TPH1: variants seen among roughly 807,000 people sequenced by gnomAD.
TPH1 encodes the protein tryptophan hydroxylase 1, also known as tryptophan 5-hydroxylase 1.
Under a neutral mutation model 49.5 loss-of-function variants are expected in TPH1, and 37 were observed. That is an observed-to-expected ratio of 0.75 (90% CI 0.58 to 0.98). The LOEUF (loss-of-function observed/expected upper bound fraction) is 0.98. Ranked by LOEUF, TPH1 falls within the 50% of genes least tolerant of loss-of-function variation. The probability of loss-of-function intolerance (pLI) is 0.00; values close to 1 mark genes in which losing one functional copy is unlikely to be tolerated. For synonymous variants in TPH1, 160 were observed against 182.1 expected (o/e 0.88, Z 0.98); for missense variants, 487 against 523.6 (o/e 0.93, Z 0.68).
intron 7 of TPH1, 105 bp from the exon 8 acceptor site, chr11:18,025,806 A>G: frequency 2.0e-6 from 3 of 1,501,628 alleles, no homozygotes; most frequent in South Asian, 2.3e-5. Flanking sequence ...TGATCGGGTG[A>G]TAATACTTTA....
chr11:18,041,154 C>T, intron 1 of TPH1: 1 of 185,212 alleles, frequency 5.4e-6, no homozygotes. Flanking sequence ...CTTCATTATA[C>T]CAGGTCTCAA....
At chr11:18,032,538 T>TG (rs1848001277) in intron 4 of TPH1, among the ~76,000 whole-genome samples, 1 of 64,054 alleles carries the variant, frequency 1.6e-5, no homozygotes, top group Admixed American at 1.2e-4. Context: ...TGTTGAAATC[T>TG]TTTTTTTTTT....
At chr11:18,044,284 T>C (rs1033314269) in intron 1 of TPH1, among the ~76,000 whole-genome samples, 1 of 151,972 alleles carries the variant, frequency 6.6e-6, no homozygotes, top group African/African-American at 2.4e-5. Flanking sequence ...TGGCTGGGTG[T>C]GGTGGCGGGC....
chr11:18,045,829 AAG>A (rs1359963046), intron 1 of TPH1, among the ~76,000 whole-genome samples: 7 of 152,150 alleles, frequency 4.6e-5, no homozygotes, highest in Non-Finnish European at 8.8e-5. Flanking sequence ...AGAAGAAAAA[AAG>A]AGACATTGCC....
At chr11:18,022,727 TG>T in intron 10 of TPH1, 70 bp downstream of exon 10, 1 of 1,566,928 alleles carries the variant, frequency 6.4e-7, no homozygotes, top group Non-Finnish European at 8.7e-7. Context: ...TGCTTACTTC[TG>T]TGACTTGTTA....
chr11:18,025,718 A>G lies in TPH1; in HGVS notation c.804-17T>C, dbSNP rs1565235387. On this transcript the variant is annotated splice_polypyrimidine_tract_variant and intron_variant, in intron 7 of 10. Transcript: ENST00000682019. ...CAGGTATCTCTGAAAGAGAGGTACA[A>G]GTTTGTCACGCTGCAGTGCTTAACA... The G allele has an allele frequency of 1.2e-6, 2 of 1,613,702 alleles. No homozygotes were observed. Among genetic ancestry groups the G allele is most frequent in the South Asian group, 1.1e-5 (1 of 91,084 alleles).
intron 2 of TPH1, among the ~76,000 whole-genome samples, chr11:18,037,085 G>C (rs78614811): frequency 6.6e-6 from 1 of 152,136 alleles, no homozygotes; most frequent in African/African-American, 2.4e-5. Context: ...TAGGCCAGGC[G>C]TGGTGGCTCA....
chr11:18,027,488 T>C (rs1003268570), intron 6 of TPH1, among the ~76,000 whole-genome samples: 22 of 152,256 alleles, frequency 1.4e-4, no homozygotes, highest in African/African-American at 5.3e-4. Context: ...TTTATTTTAG[T>C]TATTTAAATT....
intron 1 of TPH1, chr11:18,041,028 A>G (rs982219516): frequency 2.9e-6 from 1 of 341,960 alleles, no homozygotes; most frequent in South Asian, 2.8e-5. Flanking sequence ...TTCTAAACCA[A>G]TCGCTCTTTT....
Position 18,026,614 on chromosome 11 carries a change from A to C in TPH1, c.679T>G (p.Phe227Val). 1.2e-6 allele frequency: 2 copies of C among 1,614,066 alleles called. No homozygotes were observed. Among genetic ancestry groups the C allele is most frequent in the Non-Finnish European group, 1.7e-6 (2 of 1,179,964 alleles). ...VSNFLKERTG[F>V]SIRPVAGYLS... is the part of the protein sequence containing the mutation. ...TAACCAGCCACAGGACGGATGGAAA[A>C]ACCTGTACGCTCTGCAAAGCAAAGG... Residue 227 changes from phenylalanine to valine, a missense_variant, in exon 7 of 11, where the codon TTT (phenylalanine) becomes GTT (valine). Phe to Val is a conservative substitution (Grantham distance 50). Transcript: ENST00000682019.
Position 18,026,393 on chromosome 11 carries a change from C to CAAAA in TPH1, c.803+93_803+96dup, listed in dbSNP as rs57335932. 432 of 588,390 alleles carry CAAAA rather than the reference C, an allele frequency of 7.3e-4. 3 individuals carry two copies. The highest frequency in any genetic ancestry group is 2.8e-3 in the African/African-American group (82 of 28,880). The allele number at this position is 588,390 out of a possible 1,614,324, so 36.4% of individuals were successfully genotyped here. ...GCTAATTTATTTAATCCTCGCACAC[C>CAAAA]AAAAAAAAAAAAAAAAAAAAAAAAG... On this transcript the variant is annotated intron_variant, in intron 7 of 10. Coordinates refer to ENST00000682019, the MANE Select transcript of TPH1 (RefSeq NM_004179.3).
In TPH1 at chr11:18,029,164, C is replaced by A; in HGVS notation, c.667+1G>T. On this transcript the variant is annotated splice_donor_variant, in intron 6 of 10. Transcript: ENST00000682019. LOFTEE classifies it high-confidence loss of function. ...TTACAAAAAATTAATTAGCTTATTACCTTTTAAAAAGTTGGAGACATCTTC... is the reference window on the plus strand; with the variant it reads ...TTACAAAAAATTAATTAGCTTATTAACTTTTAAAAAGTTGGAGACATCTTC... 3 of 1,595,064 alleles carry A rather than the reference C, an allele frequency of 1.9e-6. No individual in the cohort carries two copies. The South Asian group carries it at 3.3e-5, about 18-fold the overall frequency.
At chr11:18,021,869 C>G (rs1307894887) in intron 10 of TPH1, among the ~76,000 whole-genome samples, 1 of 152,168 alleles carries the variant, frequency 6.6e-6, no homozygotes, top group Non-Finnish European at 1.5e-5. Context: ...AAATGTGAAG[C>G]TGAGGACAAC....
intron 6 of TPH1, 62 bp downstream of exon 6, chr11:18,029,103 A>AAAAAAT: frequency 9.3e-7 from 1 of 1,070,358 alleles, no homozygotes; most frequent in Non-Finnish European, 1.4e-6. Context: ...AAAAAAAAAA[A>AAAAAAT]TGCTGTCATG....
chr11:18,026,410 AAAAAAAAG>A, intron 7 of TPH1, 72 bp downstream of exon 7: 1 of 1,242,144 alleles, frequency 8.1e-7, no homozygotes, highest in Non-Finnish European at 1.1e-6. Context: ...AAAAAAAAAA[AAAAAAAAG>A]AACCCATAAG....
intron 6 of TPH1, 127 bp from the exon 7 acceptor site, chr11:18,026,752 T>C: frequency 8.5e-7 from 1 of 1,179,930 alleles, no homozygotes; most frequent in South Asian, 1.3e-5. Flanking sequence ...ATTTATCATA[T>C]GCATATTAAG....
intron 1 of TPH1, among the ~76,000 whole-genome samples, chr11:18,046,002 A>AT (rs1338108894): frequency 6.6e-6 from 1 of 152,218 alleles, no homozygotes; most frequent in Admixed American, 6.5e-5. Context: ...CATGATGGCT[A>AT]AAGAGTCTGT....
chr11:18,036,974 T>A (rs1243744438), intron 2 of TPH1, among the ~76,000 whole-genome samples: 1 of 152,172 alleles, frequency 6.6e-6, no homozygotes, highest in Non-Finnish European at 1.5e-5. Flanking sequence ...AGTGTTCGGA[T>A]GCAGGTGCTC....
At position 18,026,584 on chromosome 11, in the gene TPH1, A is replaced by G; in HGVS notation, c.709T>C (p.Ser237Pro). 1 of 1,614,110 alleles carries G rather than the reference A, an allele frequency of 6.2e-7. No individual in the cohort carries two copies. Among genetic ancestry groups the G allele is most frequent in the South Asian group, 1.1e-5 (1 of 91,080 alleles). Residue 237 changes from serine (S) to proline (P), a missense_variant, in exon 7 of 11, where the codon TCA becomes CCA. Transcript: ENST00000682019. The part of the protein sequence containing the change: ...FSIRPVAGYL[S>P]PRDFLSGLAF... The stretch of plus-strand genomic sequence containing the variant: ...AAACCTGATAAGAAATCTCTTGGTG[A>G]TAAGTAACCAGCCACAGGACGGATG...
Sources: allele counts gnomAD v4.1 joint callset (sites outside exome capture counted in the v4.1 genomes callset), GRCh38; gene constraint gnomAD v4.1.1; transcripts MANE v1.5; gene names NCBI Gene and HGNC (gene_info 2026-07-23, HGNC 2026-07-21).